Variants in SNX18 observed in about 807,000 individuals in gnomAD.
The protein encoded by SNX18 is sorting nexin-18.
Under a neutral mutation model 48.7 loss-of-function variants are expected in SNX18, and 35 were observed. The observed-to-expected ratio is 0.72, with a 90% CI of 0.55 to 0.95. The LOEUF (loss-of-function observed/expected upper bound fraction) is 0.95, where lower values mean the gene tolerates loss of function less well. SNX18 is among the 40% of genes least tolerant of loss of function. SNX18 has a pLI of 0.00. For synonymous variants in SNX18, 492 were observed against 384.7 expected (o/e 1.28, Z -3.26); for missense variants, 824 against 871.0 (o/e 0.95, Z 0.68).
rs72765732 is a variant in SNX18, at chr5:54,530,654, C to T, written c.1621+11081C>T. On this transcript the variant is annotated intron_variant, in intron 1 of 1. Coordinates refer to ENST00000381410, the MANE Select transcript of SNX18 (RefSeq NM_001102575.2). ...ATATTCATTATATCTATTTAAGCTTCAGAGGAGCTTAAAAAAGTATTTACC... is the reference window on the plus strand; with the variant it reads ...ATATTCATTATATCTATTTAAGCTTTAGAGGAGCTTAAAAAAGTATTTACC... Among the ~76,000 whole-genome samples the T allele has an allele frequency of 1.9e-3, 290 of 149,972 alleles. 2 individuals are homozygous for T. The highest frequency in any genetic ancestry group is 7.6e-3 in the South Asian group (36 of 4,734).
chr5:54,554,843 C>T, the SNX18 span, among the ~76,000 whole-genome samples: 1 of 152,168 alleles, frequency 6.6e-6, no homozygotes, highest in South Asian at 2.1e-4. Flanking sequence ...CAGGGATTTC[C>T]AGATTATATC....
chr5:54,575,496 C>T, the SNX18 span, among the ~76,000 whole-genome samples: 26 of 151,296 alleles, frequency 1.7e-4, no homozygotes, highest in Middle Eastern at 3.4e-3. Context: ...CTCAGCCTCC[C>T]GAGTAGCTGA....
At chr5:54,636,775 C>T in the SNX18 span, among the ~76,000 whole-genome samples, 1 of 152,256 alleles carries the variant, frequency 6.6e-6, no homozygotes, top group Admixed American at 6.5e-5. Context: ...GAAAGAATAC[C>T]TGGCACAGAT....
At chr5:54,645,368 A>G in the SNX18 span, 89 of 152,380 alleles carry the variant, frequency 5.8e-4, no homozygotes, top group African/African-American at 2.1e-3. Flanking sequence ...GCATTGCATT[A>G]TAAGAACCGT....
chr5:54,611,286 A>G, the SNX18 span, among the ~76,000 whole-genome samples: 8 of 152,088 alleles, frequency 5.3e-5, no homozygotes, highest in Non-Finnish European at 1.0e-4. Context: ...GGTAGCCCTA[A>G]GCCTGCTGGC....
At chr5:54,537,606 C>T in intron 1 of SNX18, among the ~76,000 whole-genome samples, 1 of 151,984 alleles carries the variant, frequency 6.6e-6, no homozygotes, top group Non-Finnish European at 1.5e-5. Flanking sequence ...TATAATTGCT[C>T]CCCCATTCTT....
the SNX18 span, among the ~76,000 whole-genome samples, chr5:54,561,886 A>G: frequency 1.3e-5 from 2 of 152,232 alleles, no homozygotes; most frequent in Non-Finnish European, 2.9e-5. Flanking sequence ...ACAATGGCAG[A>G]ACCTGATGCA....
the SNX18 span, among the ~76,000 whole-genome samples, chr5:54,608,371 T>C: frequency 6.6e-6 from 1 of 152,226 alleles, no homozygotes; most frequent in South Asian, 2.1e-4. Flanking sequence ...CTGTGCTTTT[T>C]ATTTTTTATT....
chr5:54,557,362 C>G, the SNX18 span, among the ~76,000 whole-genome samples: 1 of 152,148 alleles, frequency 6.6e-6, no homozygotes, highest in African/African-American at 2.4e-5. Flanking sequence ...AATGAATCAC[C>G]TTTATTTTGG....
the SNX18 span, among the ~76,000 whole-genome samples, chr5:54,589,684 C>T: frequency 6.6e-6 from 1 of 152,292 alleles, no homozygotes; most frequent in African/African-American, 2.4e-5. Context: ...CTTCCCAAAG[C>T]TGACCTTTGA....
the SNX18 span, among the ~76,000 whole-genome samples, chr5:54,606,109 T>C: frequency 2.0e-5 from 3 of 152,248 alleles, no homozygotes; most frequent in African/African-American, 7.2e-5. Context: ...TATTATGCAG[T>C]GTAATGTACT....
At chr5:54,570,292 C>T in the SNX18 span, among the ~76,000 whole-genome samples, 1 of 152,228 alleles carries the variant, frequency 6.6e-6, no homozygotes, top group Non-Finnish European at 1.5e-5. Flanking sequence ...CCCTTAGAGC[C>T]TTCAGAGGAA....
Position 54,543,371 on chromosome 5 carries a change from T to C in SNX18, c.1814T>C (p.Ile605Thr). The change falls in exon 2 of 2, where the codon ATA becomes ACA. Residue 605 changes from isoleucine (I) to threonine (T), a missense_variant. Physicochemically the swap from Ile to Thr is moderately conservative, Grantham distance 89 (BLOSUM62 -1). Transcript: ENST00000381410. The part of the protein sequence containing the change: ...QMQHFLQQQI[I>T]FFQKVTQKLE... ...CAGCATTTCTTACAACAACAAATAA[T>C]ATTTTTCCAAAAAGTTACCCAGAAG... is the stretch of plus-strand genomic sequence containing the variant. 1 of 1,614,178 alleles carries C rather than the reference T, an allele frequency of 6.2e-7. No individual in the cohort carries two copies. Among genetic ancestry groups the C allele is most frequent in the Non-Finnish European group, 8.5e-7 (1 of 1,180,018 alleles).
chr5:54,532,500 A>T (rs1214509369), intron 1 of SNX18, among the ~76,000 whole-genome samples: 2 of 152,074 alleles, frequency 1.3e-5, no homozygotes. Context: ...CAAGGATAGT[A>T]TGTCTACCTT....
the SNX18 span, among the ~76,000 whole-genome samples, chr5:54,634,264 G>A: frequency 1.8e-3 from 267 of 152,278 alleles, no homozygotes; most frequent in Non-Finnish European, 3.1e-3. Flanking sequence ...TGTAGAGAGT[G>A]GGGTGGAAGA....
At chr5:54,598,003 T>A in the SNX18 span, among the ~76,000 whole-genome samples, 4 of 151,760 alleles carry the variant, frequency 2.6e-5, no homozygotes, top group African/African-American at 2.4e-5. Context: ...GCTAGACTAA[T>A]AAAGAAGAAA....
At chr5:54,644,465 T>C in the SNX18 span, 1 of 152,190 alleles carries the variant, frequency 6.6e-6, no homozygotes, top group Non-Finnish European at 1.5e-5. Context: ...ATCTGACTCA[T>C]AGTAGAGATT....
chr5:54,522,043 C>G (rs73754376), intron 1 of SNX18, among the ~76,000 whole-genome samples: 4,798 of 152,282 alleles, frequency 0.032, 272 homozygotes, highest in African/African-American at 0.11. Flanking sequence ...TAGTTTGTTT[C>G]TGCTGTAACC....
intron 1 of SNX18, among the ~76,000 whole-genome samples, chr5:54,542,886 C>G (rs1457459716): frequency 1.3e-5 from 2 of 152,078 alleles, no homozygotes; most frequent in East Asian, 3.8e-4. Flanking sequence ...AGTTTATTAT[C>G]AGTTATGTAT....
Sources: gnomAD v4.1 joint callset for allele counts (sites outside exome capture counted in the v4.1 genomes callset) on GRCh38, gnomAD v4.1.1 for gene constraint, MANE v1.5 for transcripts, NCBI Gene and HGNC (gene_info 2026-07-23, HGNC 2026-07-21) for gene names.